INVS: variants seen among roughly 807,000 people sequenced by gnomAD.
INVS encodes inversin.
A neutral mutation model predicts 108.8 loss-of-function variants in INVS; 86 were observed. That is an observed-to-expected ratio of 0.79 (90% confidence interval 0.66 to 0.95). The LOEUF (loss-of-function observed/expected upper bound fraction) is 0.95. Among genes scored for constraint, INVS ranks in the 40% least tolerant of loss-of-function variants. INVS has a pLI of 0.00. For synonymous variants in INVS, 455 were observed against 473.5 expected, an observed-to-expected ratio of 0.96 and a Z score of 0.51; for missense variants, 1,169 against 1,297.4, an observed-to-expected ratio of 0.90 and a Z score of 1.52.
intron 13 of INVS, among the ~76,000 whole-genome samples, chr9:100,290,101 C>T (rs1057358662): frequency 7.9e-5 from 12 of 151,358 alleles, no homozygotes; most frequent in South Asian, 2.1e-4. Flanking sequence ...TTTTTTGGCC[C>T]GGTGGGGTGG....
At chr9:100,115,333 C>T (rs561070444) in intron 2 of INVS, among the ~76,000 whole-genome samples, 62 of 151,196 alleles carry the variant, frequency 4.1e-4, no homozygotes, top group African/African-American at 1.4e-3. Context: ...ACTTTAAGTT[C>T]TAGGGTACAT....
In INVS at chr9:100,246,922, A is replaced by C. The variant is rs149755774; in HGVS notation, c.1078+135A>C. ...TTGTTTGACTTTGGTCTTCAGTTTT[A>C]AGTTTGGGTTTGCCAGGATGTCACT... is the stretch of plus-strand genomic sequence containing the variant. On this transcript the variant is annotated intron_variant, in intron 8 of 16. Transcript: ENST00000262457. 1.4e-4 allele frequency: 117 copies of C among 859,022 alleles called. No individual in the cohort carries two copies. The East Asian group carries it at 2.9e-3, about 22-fold the overall frequency. 53.2% of individuals were successfully genotyped at this position (859,022 alleles called of 1,614,324 possible). A position where few individuals can be genotyped will look rare whatever the true frequency, so the allele number is the denominator to read the frequency against.
chr9:100,164,991 A>T (rs1385196728), intron 3 of INVS, among the ~76,000 whole-genome samples: 3 of 149,466 alleles, frequency 2.0e-5, no homozygotes, highest in Non-Finnish European at 4.4e-5. Flanking sequence ...CAGTAAGATG[A>T]TTCTCCCTTC....
At chr9:100,205,681 T>C (rs963192896) in intron 3 of INVS, among the ~76,000 whole-genome samples, 3 of 151,666 alleles carry the variant, frequency 2.0e-5, no homozygotes, top group African/African-American at 4.8e-5. Flanking sequence ...TCAATAATAA[T>C]TATAATTAAT....
intron 3 of INVS, among the ~76,000 whole-genome samples, chr9:100,139,272 T>C (rs1221713395): frequency 6.6e-6 from 1 of 152,238 alleles, no homozygotes. Flanking sequence ...CTCTGGACTT[T>C]GATACTGCAG....
rs546476151 is a variant in INVS, at chr9:100,233,157, G to T, written c.615+3330G>T. 2.6e-5 allele frequency among the ~76,000 whole-genome samples: 4 copies of T among 152,276 alleles called. No homozygotes were observed. In the South Asian group the frequency reaches 8.3e-4, roughly 32 times the overall value. On this transcript the variant is annotated intron_variant, in intron 5 of 16. Coordinates refer to ENST00000262457, the MANE Select transcript of INVS (RefSeq NM_014425.5). ...CAATTGTGAATGGGAGTTCACTCAT[G>T]ATTTGCTCTTTGTTTTTCTGTTTTT...
intron 8 of INVS, among the ~76,000 whole-genome samples, chr9:100,250,665 A>G (rs1434574440): frequency 5.9e-5 from 9 of 152,142 alleles, no homozygotes; most frequent in Admixed American, 3.3e-4. Context: ...CTTCATCTCC[A>G]TTGCAACCAC....
intron 5 of INVS, among the ~76,000 whole-genome samples, chr9:100,232,647 A>T (rs1009302155): frequency 1.3e-5 from 2 of 152,182 alleles, no homozygotes; most frequent in African/African-American, 4.8e-5. Context: ...CAGCTTTGTC[A>T]TAGATCAGAT....
At chr9:100,161,921 TC>T (rs1302354875) in intron 3 of INVS, among the ~76,000 whole-genome samples, 1 of 152,062 alleles carries the variant, frequency 6.6e-6, no homozygotes, top group East Asian at 1.9e-4. Context: ...TAATTATCAA[TC>T]CCATTCATTG....
intron 3 of INVS, among the ~76,000 whole-genome samples, chr9:100,155,319 G>A (rs1828939777): frequency 6.6e-6 from 1 of 151,872 alleles, no homozygotes; most frequent in Non-Finnish European, 1.5e-5. Flanking sequence ...TTATTCAAGT[G>A]AATTTATTAT....
chr9:100,180,427 T>TA (rs1277794917), intron 3 of INVS, among the ~76,000 whole-genome samples: 2 of 146,476 alleles, frequency 1.4e-5, no homozygotes, highest in Non-Finnish European at 3.0e-5. Context: ...ATAGACACAA[T>TA]AAAAAATGAT....
chr9:100,152,765 A>C (rs1828846857), intron 3 of INVS, among the ~76,000 whole-genome samples: 2 of 152,130 alleles, frequency 1.3e-5, no homozygotes, highest in Non-Finnish European at 2.9e-5. Context: ...ATAACTACTC[A>C]TTTTCAGGCA....
intron 3 of INVS, among the ~76,000 whole-genome samples, chr9:100,178,599 T>C (rs1423642393): frequency 6.6e-6 from 1 of 151,954 alleles, no homozygotes; most frequent in Non-Finnish European, 1.5e-5. Flanking sequence ...AAAAAAAGAA[T>C]GAAAAGGAAT....
intron 3 of INVS, among the ~76,000 whole-genome samples, chr9:100,146,128 GTGT>G (rs763781332): frequency 5.5e-4 from 83 of 152,226 alleles, no homozygotes; most frequent in Non-Finnish European, 1.0e-3. Flanking sequence ...ATGCGCATCT[GTGT>G]AAAGAGACCA....
intron 1 of INVS, among the ~76,000 whole-genome samples, chr9:100,103,635 C>A (rs1343081290): frequency 7.3e-6 from 1 of 137,402 alleles, no homozygotes. Context: ...CTCGAAAAGA[C>A]AAGAAGGGAG....
intron 10 of INVS, among the ~76,000 whole-genome samples, chr9:100,258,685 C>G (rs757209316): frequency 6.6e-6 from 1 of 152,170 alleles, no homozygotes; most frequent in Non-Finnish European, 1.5e-5. Flanking sequence ...GAGATCCACT[C>G]CAGACCATGT....
intron 3 of INVS, among the ~76,000 whole-genome samples, chr9:100,183,296 C>G (rs978993189): frequency 1.3e-5 from 2 of 151,876 alleles, no homozygotes; most frequent in Non-Finnish European, 2.9e-5. Context: ...AGACATGATC[C>G]AATATAGTAA....
At chr9:100,180,222 T>G (rs1251990477) in intron 3 of INVS, among the ~76,000 whole-genome samples, 1 of 151,574 alleles carries the variant, frequency 6.6e-6, no homozygotes, top group Non-Finnish European at 1.5e-5. Context: ...ACATCACAAT[T>G]AAAAGAACTA....
chr9:100,251,959 C>T (rs551998105), intron 8 of INVS, among the ~76,000 whole-genome samples: 1 of 152,126 alleles, frequency 6.6e-6, no homozygotes, highest in African/African-American at 2.4e-5. Flanking sequence ...TTTTCTTGCT[C>T]TCTTAAAGAG....
Sources: gnomAD v4.1 joint callset for allele counts (sites outside exome capture counted in the v4.1 genomes callset) on GRCh38, gnomAD v4.1.1 for gene constraint, MANE v1.5 for transcripts, NCBI Gene and HGNC (gene_info 2026-07-23, HGNC 2026-07-21) for gene names.